The following SRD5A1 variants were observed in gnomAD, a reference collection of about 807,000 sequenced individuals.
The protein encoded by SRD5A1 is steroid 5 alpha-reductase 1.
SRD5A1 carries 22 observed loss-of-function variants against 28.2 expected under a neutral mutation model. That is an observed-to-expected ratio of 0.78 (90% CI 0.56 to 1.12). The LOEUF (loss-of-function observed/expected upper bound fraction) is 1.12, where lower values mean the gene tolerates loss of function less well. Ranked by LOEUF, SRD5A1 falls within the 50% of genes most tolerant of loss-of-function variation. The probability of loss-of-function intolerance (pLI) is 0.00; values close to 1 mark genes in which losing one functional copy is unlikely to be tolerated. For missense variants in SRD5A1, 300 were observed against 346.7 expected, an observed-to-expected ratio of 0.87 and a Z score of 1.07; for synonymous variants, 151 against 135.0, an observed-to-expected ratio of 1.12 and a Z score of -0.82.
intron 1 of SRD5A1, 84 bp from the exon 2 acceptor site, chr5:6,651,758 A>T: frequency 7.5e-7 from 1 of 1,334,324 alleles, no homozygotes; most frequent in Non-Finnish European, 1.0e-6. Context: ...AGTAAGATTT[A>T]AAACCCAAAT....
chr5:6,653,279 G>C (rs1738732811), intron 2 of SRD5A1, among the ~76,000 whole-genome samples: 1 of 152,170 alleles, frequency 6.6e-6, no homozygotes, highest in South Asian at 2.1e-4. Flanking sequence ...ACAAAAGGAG[G>C]GTTGGCTGAG....
At chr5:6,639,083 T>A (rs1738285133) in intron 1 of SRD5A1, among the ~76,000 whole-genome samples, 2 of 152,218 alleles carry the variant, frequency 1.3e-5, no homozygotes, top group Non-Finnish European at 2.9e-5. Context: ...GAGAGTCAAA[T>A]CATTTGCTGA....
chr5:6,639,654 G>A (rs1467134757), intron 1 of SRD5A1, among the ~76,000 whole-genome samples: 1 of 151,972 alleles, frequency 6.6e-6, no homozygotes, highest in Non-Finnish European at 1.5e-5. Context: ...TATTAATTTC[G>A]CCTGATTTTC....
At position 6,666,208 on chromosome 5, in the gene SRD5A1, C is replaced by T. The variant is rs113338989; in HGVS notation, c.714-1994C>T. Among the ~76,000 whole-genome samples, 618 of 151,932 alleles carry T rather than the reference C, an allele frequency of 4.1e-3. 3 individuals are homozygous for T. Among genetic ancestry groups the T allele is most frequent in the African/African-American group, 0.014 (584 of 41,460 alleles). On this transcript the variant is annotated intron_variant, in intron 4 of 4. Coordinates refer to ENST00000274192, the MANE Select transcript of SRD5A1 (RefSeq NM_001047.4). ...TGTCGCCCAGGCTGGAGTGCAGTGG[C>T]GCGATCTCGGCTCACTGCAAGCTCT...
intron 1 of SRD5A1, among the ~76,000 whole-genome samples, chr5:6,639,095 T>A (rs1738285376): frequency 6.6e-6 from 1 of 152,246 alleles, no homozygotes. Context: ...ATTTGCTGAA[T>A]AAATGCCTTG....
chr5:6,659,626 A>AAGTGGACAG (rs1738946423), intron 3 of SRD5A1, among the ~76,000 whole-genome samples: 1 of 152,162 alleles, frequency 6.6e-6, no homozygotes, highest in African/African-American at 2.4e-5. Context: ...ATACCGGAGG[A>AAGTGGACAG]AGTGGACAGG....
intron 2 of SRD5A1, among the ~76,000 whole-genome samples, chr5:6,655,807 A>G (rs1474483637): frequency 6.6e-6 from 1 of 152,218 alleles, no homozygotes; most frequent in Non-Finnish European, 1.5e-5. Context: ...ATTTCTGTCC[A>G]TACTTGTCAT....
intron 1 of SRD5A1, 39 bp from the exon 2 acceptor site, chr5:6,651,801 TTA>T: frequency 6.5e-7 from 1 of 1,544,124 alleles, no homozygotes; most frequent in East Asian, 2.3e-5. Context: ...ATGATTATCT[TTA>T]ATTTTTTAAA....
At position 6,650,261 on chromosome 5, in the gene SRD5A1, A is replaced by AT. The variant is rs1738631175; in HGVS notation, c.294-1579dup. Among the ~76,000 whole-genome samples the AT allele has an allele frequency of 2.0e-5, 3 of 152,058 alleles. No individual in the cohort carries two copies. In the South Asian group the frequency reaches 6.2e-4, roughly 32 times the overall value. ...TGTCTCTACAAAAAAAAGTTTTTAA[A>AT]TTAACCAGGTGTGGTGGTGTGTGCC... On this transcript the variant is annotated intron_variant, in intron 1 of 4. Coordinates refer to ENST00000274192, the MANE Select transcript of SRD5A1 (RefSeq NM_001047.4).
At chr5:6,658,336 A>T (rs1446252209) in intron 3 of SRD5A1, among the ~76,000 whole-genome samples, 1 of 152,216 alleles carries the variant, frequency 6.6e-6, no homozygotes, top group East Asian at 1.9e-4. Context: ...AAAAAATAAA[A>T]AAAATAAAAT....
At chr5:6,636,509 G>A (rs1738189031) in intron 1 of SRD5A1, among the ~76,000 whole-genome samples, 1 of 152,226 alleles carries the variant, frequency 6.6e-6, no homozygotes. Flanking sequence ...TCGCTGGAGT[G>A]AGGTTGGGCC....
intron 1 of SRD5A1, among the ~76,000 whole-genome samples, chr5:6,651,261 T>C (rs1265754244): frequency 1.3e-5 from 2 of 152,202 alleles, no homozygotes; most frequent in Admixed American, 6.5e-5. Flanking sequence ...AGCCCCTAGT[T>C]TTCTCAAATT....
At chr5:6,649,145 A>G (rs1238316309) in intron 1 of SRD5A1, among the ~76,000 whole-genome samples, 2 of 152,152 alleles carry the variant, frequency 1.3e-5, no homozygotes, top group African/African-American at 4.8e-5. Flanking sequence ...GCTCTCCAGT[A>G]TGAGGTGTCT....
At chr5:6,658,285 A>G (rs1244101584) in intron 3 of SRD5A1, among the ~76,000 whole-genome samples, 1 of 152,174 alleles carries the variant, frequency 6.6e-6, no homozygotes, top group Non-Finnish European at 1.5e-5. Flanking sequence ...AGATCATGCC[A>G]CTGTATTCCA....
In SRD5A1 at chr5:6,656,187, C is replaced by G. The variant is rs1364597932; in HGVS notation, c.562+8C>G. 1 of 1,606,408 alleles carries G rather than the reference C, an allele frequency of 6.2e-7. No homozygotes were observed. The highest frequency in any genetic ancestry group is 1.7e-5 in the Admixed American group (1 of 59,776). On this transcript the variant is annotated splice_region_variant and intron_variant, in intron 3 of 4. Coordinates refer to ENST00000274192, the MANE Select transcript of SRD5A1 (RefSeq NM_001047.4). ...GATACAAAATACCAAGGGGTACGTA[C>G]AGAAAGTGAAGAATTTCTGTGAAAG...
chr5:6,636,802 G>A (rs982642706), intron 1 of SRD5A1, among the ~76,000 whole-genome samples: 2 of 152,198 alleles, frequency 1.3e-5, no homozygotes, highest in African/African-American at 4.8e-5. Context: ...TTGTGCTGGG[G>A]ATATAGTGAC....
chr5:6,659,313 C>A (rs757869082), intron 3 of SRD5A1, among the ~76,000 whole-genome samples: 1 of 151,908 alleles, frequency 6.6e-6, no homozygotes, highest in Non-Finnish European at 1.5e-5. Context: ...TGGGGTTTCA[C>A]CGTGTTAGCC....
rs1739396285 is a variant in SRD5A1, at chr5:6,672,649, C to T, written c.*4381C>T. On this transcript the variant is annotated 3_prime_UTR_variant, in exon 5 of 5. Coordinates refer to ENST00000274192, the MANE Select transcript of SRD5A1 (RefSeq NM_001047.4). ...ATATATCAATTTTGTCTACCCAACA[C>T]AGCTGTAAACTTCTCAAGGTGAGGA... 6.6e-6 allele frequency: 1 copy of T among 152,222 alleles called. No individual in the cohort carries two copies. 9.4% of individuals were successfully genotyped at this position (152,222 alleles called of 1,614,324 possible).
intron 1 of SRD5A1, among the ~76,000 whole-genome samples, chr5:6,650,996 G>A (rs1281428690): frequency 6.6e-6 from 1 of 152,016 alleles, no homozygotes; most frequent in Non-Finnish European, 1.5e-5. Context: ...GTGGCCTTGA[G>A]CAACTTACTT....
Sources: gnomAD v4.1 joint callset for allele counts (sites outside exome capture counted in the v4.1 genomes callset) on GRCh38, gnomAD v4.1.1 for gene constraint, MANE v1.5 for transcripts, NCBI Gene and HGNC (gene_info 2026-07-23, HGNC 2026-07-21) for gene names.